The following FMN1 variants were observed in gnomAD, a reference collection of about 807,000 sequenced individuals.
The protein encoded by FMN1 is formin 1.
A neutral mutation model predicts 132.4 loss-of-function variants in FMN1; 110 were observed. The ratio of observed to expected loss-of-function variants is 0.83; its 90% CI spans 0.71 to 0.97. The LOEUF (loss-of-function observed/expected upper bound fraction) is 0.97, where lower values mean the gene tolerates loss of function less well. Among genes scored for constraint, FMN1 ranks in the 50% least tolerant of loss-of-function variants. FMN1 has a pLI of 0.00. For synonymous variants in FMN1, 722 were observed against 651.7 expected (o/e 1.11, Z -1.64); for missense variants, 1,792 against 1,705.3 (o/e 1.05, Z -0.90).
intron 2 of FMN1, among the ~76,000 whole-genome samples, chr15:33,190,297 A>C (rs897938006): frequency 1.3e-5 from 2 of 152,222 alleles, no homozygotes; most frequent in Non-Finnish European, 2.9e-5. Flanking sequence ...AGAACATGAG[A>C]CAGTGCTACA....
intron 9 of FMN1, among the ~76,000 whole-genome samples, chr15:32,932,136 T>C (rs201433100): frequency 1.3e-5 from 2 of 152,184 alleles, no homozygotes; most frequent in African/African-American, 4.8e-5. Flanking sequence ...CAGTGGCTCA[T>C]GCCTGTAATC....
chr15:32,953,543 A>C (rs28652633), intron 9 of FMN1, among the ~76,000 whole-genome samples: 13,799 of 152,210 alleles, frequency 0.091, 1,043 homozygotes, highest in African/African-American at 0.2. Flanking sequence ...GTCAGGTCTA[A>C]ATGAAATGAA....
chr15:33,030,711 A>G (rs556230641), intron 6 of FMN1, among the ~76,000 whole-genome samples: 5 of 152,354 alleles, frequency 3.3e-5, no homozygotes, highest in Admixed American at 6.5e-5. Context: ...GCTGTTAGTT[A>G]TAATTGTAAA....
At chr15:32,854,295 A>G (rs544289037) in intron 17 of FMN1, among the ~76,000 whole-genome samples, 1 of 152,356 alleles carries the variant, frequency 6.6e-6, no homozygotes, top group South Asian at 2.1e-4. Flanking sequence ...ACATGTGGCT[A>G]GTGCTTGCCA....
intron 10 of FMN1, among the ~76,000 whole-genome samples, chr15:32,914,593 G>A (rs1317403866): frequency 2.0e-5 from 3 of 152,138 alleles, no homozygotes; most frequent in Non-Finnish European, 4.4e-5. Flanking sequence ...GAGTAAATTG[G>A]ACAAAATTAT....
At chr15:32,828,864 A>T (rs1430868671) in intron 17 of FMN1, among the ~76,000 whole-genome samples, 1 of 152,232 alleles carries the variant, frequency 6.6e-6, no homozygotes, top group Non-Finnish European at 1.5e-5. Flanking sequence ...TCTTTTACTT[A>T]AGGATTTCAG....
chr15:33,119,419 T>G (rs1250855880), intron 4 of FMN1, among the ~76,000 whole-genome samples: 2 of 152,154 alleles, frequency 1.3e-5, no homozygotes, highest in East Asian at 3.9e-4. Flanking sequence ...AAGGAGAATG[T>G]GGGGGATGTG....
chr15:33,041,376 C>T (rs537317588), intron 6 of FMN1, among the ~76,000 whole-genome samples: 9 of 126,316 alleles, frequency 7.1e-5, no homozygotes, highest in African/African-American at 2.5e-4. Flanking sequence ...TTTCTTTTGA[C>T]GTTCCTCACC....
intron 17 of FMN1, among the ~76,000 whole-genome samples, chr15:32,812,447 G>C (rs916425255): frequency 2.6e-5 from 4 of 152,090 alleles, no homozygotes; most frequent in Non-Finnish European, 5.9e-5. Flanking sequence ...AATACATTGG[G>C]GATGGGACCC....
intron 2 of FMN1, among the ~76,000 whole-genome samples, chr15:33,185,719 C>T (rs966974776): frequency 4.0e-5 from 6 of 151,632 alleles, no homozygotes; most frequent in South Asian, 4.2e-4. Context: ...ATTACAGGCA[C>T]GTGCCACCAC....
At chr15:32,775,449 G>GA (rs1469857687) in intron 20 of FMN1, among the ~76,000 whole-genome samples, 2 of 152,112 alleles carry the variant, frequency 1.3e-5, no homozygotes, top group African/African-American at 4.8e-5. Context: ...TGCCTTGGGG[G>GA]AACAAGCTTG....
intron 6 of FMN1, among the ~76,000 whole-genome samples, chr15:33,041,469 TAAACA>T (rs2036435315): frequency 8.1e-6 from 1 of 123,566 alleles, no homozygotes. Context: ...TCCTCACCAG[TAAACA>T]AAAAAAAAAA....
chr15:32,946,423 G>T (rs892852578), intron 9 of FMN1, among the ~76,000 whole-genome samples: 1 of 152,254 alleles, frequency 6.6e-6, no homozygotes, highest in East Asian at 1.9e-4. Flanking sequence ...TAGATGATTT[G>T]CCCAGAGATG....
chr15:33,114,115 T>C (rs2140139421), intron 4 of FMN1, among the ~76,000 whole-genome samples: 1 of 152,358 alleles, frequency 6.6e-6, no homozygotes, highest in South Asian at 2.1e-4. Context: ...GGTTTCCCTC[T>C]GAGCCTGTTC....
intron 5 of FMN1, among the ~76,000 whole-genome samples, chr15:33,076,423 A>G (rs2038211403): frequency 6.6e-6 from 1 of 152,204 alleles, no homozygotes; most frequent in African/African-American, 2.4e-5. Context: ...TTTTTAAAGT[A>G]AAAGTTATCT....
At chr15:33,137,199 G>T (rs570870613) in intron 4 of FMN1, among the ~76,000 whole-genome samples, 1 of 150,648 alleles carries the variant, frequency 6.6e-6, no homozygotes, top group South Asian at 2.1e-4. Context: ...AAGCAATGAA[G>T]TGTGTACCCA....
intron 9 of FMN1, among the ~76,000 whole-genome samples, chr15:32,930,818 G>GTTTCAAGTCTCACATTTAAGTTTCTA (rs2061096888): frequency 6.6e-6 from 1 of 151,900 alleles, no homozygotes; most frequent in African/African-American, 2.4e-5. Context: ...AAGTTTTATA[G>GTTTCAAGTCTCACATTTAAGTTTCTA]TTTCAAGTCT....
chr15:32,801,921 T>G (rs1346895605), intron 18 of FMN1, among the ~76,000 whole-genome samples: 1 of 152,246 alleles, frequency 6.6e-6, no homozygotes, highest in Admixed American at 6.5e-5. Context: ...ACTGTTGTCT[T>G]TCCTAGACAA....
chr15:32,841,907 T>TA, intron 17 of FMN1, among the ~76,000 whole-genome samples: 1 of 152,234 alleles, frequency 6.6e-6, no homozygotes, highest in East Asian at 1.9e-4. Context: ...CTAAGTCAAG[T>TA]AAAAAAGCCC....
Sources: allele counts gnomAD v4.1 joint callset (sites outside exome capture counted in the v4.1 genomes callset), GRCh38; gene constraint gnomAD v4.1.1; transcripts MANE v1.5; gene names NCBI Gene and HGNC (gene_info 2026-07-23, HGNC 2026-07-21).